Variants in LAMC1 observed in about 807,000 individuals in gnomAD.
LAMC1 encodes laminin subunit gamma-1.
Under a neutral mutation model 173.6 loss-of-function variants are expected in LAMC1, and 38 were observed. The observed-to-expected ratio is 0.22, with a 90% CI of 0.17 to 0.29. The LOEUF (loss-of-function observed/expected upper bound fraction) is 0.29. LAMC1 is among the 10% of genes least tolerant of loss of function. The pLI is 1.00. For synonymous variants in LAMC1, 746 were observed against 749.1 expected (o/e 1.00, Z 0.07); for missense variants, 1,824 against 2,051.8 (o/e 0.89, Z 2.14).
chr1:183,121,771 C>T lies in LAMC1; in HGVS notation c.2039C>T (p.Pro680Leu). The T allele has an allele frequency of 6.2e-7, 1 of 1,614,172 alleles. No individual in the cohort carries two copies. The change falls in exon 12 of 28, where the codon CCT becomes CTT. Residue 680 changes from proline (P) to leucine (L), a missense_variant. Pro to Leu is a moderately conservative substitution (Grantham distance 98). Coordinates refer to ENST00000258341, the MANE Select transcript of LAMC1 (RefSeq NM_002293.4). ...ACCCTGGCAAGTGCTCGTCCTGGGC[C>T]TGGAGTCCCTGCAACTTGGGTGGAG... ...DVTLASARPGPGVPATWVESC... is the reference protein window; with the variant it reads ...DVTLASARPGLGVPATWVESC...
At position 183,118,062 on chromosome 1, in the gene LAMC1, A is replaced by G; in HGVS notation, c.1906A>G (p.Arg636Gly). The G allele has an allele frequency of 6.2e-7, 1 of 1,613,230 alleles. No individual in the cohort carries two copies. Among genetic ancestry groups the G allele is most frequent in the Non-Finnish European group, 8.5e-7 (1 of 1,179,232 alleles). The part of the protein sequence containing the change: ...RLHEATDYPW[R>G]PALTPFEFQK... Reference sequence around the variant, plus strand: ...CCATGAAGCAACAGATTACCCTTGGAGGCCTGCTCTTACCCCTTTTGAATT... The same window carrying G: ...CCATGAAGCAACAGATTACCCTTGGGGGCCTGCTCTTACCCCTTTTGAATT... The change falls in exon 11 of 28, where the codon AGG (arginine) becomes GGG (glycine). Residue 636 changes from arginine (R) to glycine (G), a missense_variant. Transcript: ENST00000258341.
At chr1:183,125,621 A>G in intron 15 of LAMC1, 71 bp downstream of exon 15, 1 of 1,177,232 alleles carries the variant, frequency 8.5e-7, no homozygotes, top group Non-Finnish European at 1.2e-6. Flanking sequence ...TTTTATAAGT[A>G]CATTTAATAA....
intron 27 of LAMC1, 21 bp from the exon 28 acceptor site, chr1:183,142,513 A>T: frequency 6.3e-7 from 1 of 1,591,758 alleles, no homozygotes; most frequent in Non-Finnish European, 8.5e-7. Context: ...GTTCTCTTCT[A>T]TGTACTTTCT....
rs374754004 is a variant in LAMC1 at position 183,123,455 on chromosome 1, A to G, written c.2402-1176A>G. Among the ~76,000 whole-genome samples, 6 of 152,142 alleles carry G rather than the reference A, an allele frequency of 3.9e-5. No homozygotes were observed. The East Asian group carries it at 1.2e-3, about 29-fold the overall frequency. On this transcript the variant is annotated intron_variant, in intron 13 of 27. Transcript: ENST00000258341. ...ATAGCTTCTTGATACACTAAAACCA[A>G]ATCCTTTACTCTGACCTCCATGCTT...
At chr1:183,083,566 ATATAAG>A (rs1364316491) in intron 1 of LAMC1, among the ~76,000 whole-genome samples, 1 of 152,220 alleles carries the variant, frequency 6.6e-6, no homozygotes, top group Non-Finnish European at 1.5e-5. Context: ...GAAATTTACT[ATATAAG>A]TATGTGTAAA....
chr1:183,105,788 A>G (rs1655963974), intron 2 of LAMC1, among the ~76,000 whole-genome samples: 1 of 152,274 alleles, frequency 6.6e-6, no homozygotes, highest in South Asian at 2.1e-4. Flanking sequence ...CTGATCTGAC[A>G]ATGAGAGAGA....
intron 1 of LAMC1, among the ~76,000 whole-genome samples, chr1:183,038,052 T>G (rs79839551): frequency 6.6e-6 from 1 of 151,626 alleles, no homozygotes; most frequent in Non-Finnish European, 1.5e-5. Context: ...TTTTTTTTTT[T>G]TGAGACAGAG....
intron 27 of LAMC1, 69 bp from the exon 28 acceptor site, chr1:183,142,465 A>C (rs1657142110): frequency 6.8e-7 from 1 of 1,480,056 alleles, no homozygotes; most frequent in Non-Finnish European, 9.1e-7. Context: ...AGTCTAGTGC[A>C]GGTACTTGTG....
intron 13 of LAMC1, 93 bp from the exon 14 acceptor site, chr1:183,124,538 A>T: frequency 6.9e-7 from 1 of 1,453,000 alleles, no homozygotes; most frequent in Non-Finnish European, 9.5e-7. Context: ...CTCTCATGTG[A>T]TGATTACACT....
intron 1 of LAMC1, among the ~76,000 whole-genome samples, chr1:183,088,830 C>A (rs766510817): frequency 2.0e-5 from 3 of 152,080 alleles, no homozygotes; most frequent in Non-Finnish European, 4.4e-5. Flanking sequence ...AAAGGTGAGA[C>A]GTGGCATATG....
At position 183,108,275 on chromosome 1, in the gene LAMC1, G is replaced by A; in HGVS notation, c.724-1G>A. On this transcript the variant is annotated splice_acceptor_variant, in intron 2 of 27. Coordinates refer to ENST00000258341, the MANE Select transcript of LAMC1 (RefSeq NM_002293.4). LOFTEE classifies it high-confidence loss of function. Reference sequence around the variant, plus strand: ...ATGTTTCTATTTTTGCTTCCTGACAGGAATGGGTAACTGCCACTGACATCA... The same window carrying A: ...ATGTTTCTATTTTTGCTTCCTGACAAGAATGGGTAACTGCCACTGACATCA... 1 of 1,612,710 alleles carries A rather than the reference G, an allele frequency of 6.2e-7. No homozygotes were observed.
chr1:183,030,340 A>T (rs1653817441), intron 1 of LAMC1, among the ~76,000 whole-genome samples: 1 of 152,196 alleles, frequency 6.6e-6, no homozygotes, highest in Admixed American at 6.5e-5. Context: ...TAAGTGAGAG[A>T]TGCAAGCACA....
At chr1:183,101,729 G>T (rs79441579) in intron 1 of LAMC1, among the ~76,000 whole-genome samples, 1 of 152,002 alleles carries the variant, frequency 6.6e-6, no homozygotes, top group Non-Finnish European at 1.5e-5. Flanking sequence ...AAAGGAGGGA[G>T]TCAGGACCTG....
intron 1 of LAMC1, among the ~76,000 whole-genome samples, chr1:183,051,008 G>A (rs1482895691): frequency 1.3e-5 from 2 of 150,920 alleles, no homozygotes; most frequent in African/African-American, 4.9e-5. Flanking sequence ...CTGTTCCTCT[G>A]AGAATTACCT....
intron 1 of LAMC1, among the ~76,000 whole-genome samples, chr1:183,032,994 T>C (rs942279195): frequency 6.6e-6 from 1 of 152,196 alleles, no homozygotes; most frequent in African/African-American, 2.4e-5. Context: ...AATATTTGTA[T>C]ACTTCATTAT....
Position 183,128,769 on chromosome 1 carries a change from T to C in LAMC1, c.3280+19T>C. 1 of 1,578,410 alleles carries C rather than the reference T, an allele frequency of 6.3e-7. No homozygotes were observed. Among genetic ancestry groups the C allele is most frequent in the Non-Finnish European group, 8.6e-7 (1 of 1,158,396 alleles). On this transcript the variant is annotated intron_variant, in intron 18 of 27. Coordinates refer to ENST00000258341, the MANE Select transcript of LAMC1 (RefSeq NM_002293.4). Reference sequence around the variant, plus strand: ...GTCAAAGGTACGCATGATTGAACAGTGCATGACTTCTGTGAGATGGACCAA... The same window carrying C: ...GTCAAAGGTACGCATGATTGAACAGCGCATGACTTCTGTGAGATGGACCAA...
intron 6 of LAMC1, 63 bp from the exon 7 acceptor site, chr1:183,116,514 C>T: frequency 8.9e-7 from 1 of 1,124,826 alleles, no homozygotes; most frequent in South Asian, 1.4e-5. Context: ...AAACAAAGGG[C>T]TGACTTGAAG....
chr1:183,028,227 A>G (rs1319637191), intron 1 of LAMC1, among the ~76,000 whole-genome samples: 1 of 151,738 alleles, frequency 6.6e-6, no homozygotes, highest in East Asian at 1.9e-4. Flanking sequence ...TTTCAGTTCT[A>G]AATAATTTTA....
At chr1:183,051,444 G>C (rs1654425685) in intron 1 of LAMC1, among the ~76,000 whole-genome samples, 2 of 152,240 alleles carry the variant, frequency 1.3e-5, no homozygotes, top group African/African-American at 4.8e-5. Flanking sequence ...GAGTACCACT[G>C]TGTGACTTCA....
Sources: gnomAD v4.1 joint callset for allele counts (sites outside exome capture counted in the v4.1 genomes callset) on GRCh38, gnomAD v4.1.1 for gene constraint, MANE v1.5 for transcripts, NCBI Gene and HGNC (gene_info 2026-07-23, HGNC 2026-07-21) for gene names.